The following EFCAB14 variants were observed in gnomAD, a reference collection of about 807,000 sequenced individuals.
EFCAB14 encodes the protein EF-hand calcium-binding domain-containing protein 14.
A neutral mutation model predicts 56.5 loss-of-function variants in EFCAB14; 43 were observed. That is an observed-to-expected ratio of 0.76 (90% CI 0.60 to 0.98). The LOEUF (loss-of-function observed/expected upper bound fraction) is 0.98. Among genes scored for constraint, EFCAB14 ranks in the 50% least tolerant of loss-of-function variants. The pLI, the probability that EFCAB14 is intolerant of heterozygous loss-of-function variation, is 0.00. For missense variants in EFCAB14, 538 were observed against 580.3 expected (o/e 0.93, Z 0.75); for synonymous variants, 235 against 212.9 (o/e 1.10, Z -0.90).
At chr1:46,701,115 T>C (rs1461275989) in intron 3 of EFCAB14, among the ~76,000 whole-genome samples, 3 of 152,072 alleles carry the variant, frequency 2.0e-5, no homozygotes, top group African/African-American at 7.2e-5. Flanking sequence ...ACTCACAAAT[T>C]ACTTAAGAAA....
rs989216843 is a variant in EFCAB14, at chr1:46,696,418, C to T, written c.579+133G>A. On this transcript the variant is annotated intron_variant, in intron 4 of 10. Coordinates refer to ENST00000371933, the MANE Select transcript of EFCAB14 (RefSeq NM_014774.3). The stretch of plus-strand genomic sequence containing the variant: ...TAGGACACAGTGATACACTCCATTA[C>T]TGCCCTCTTGGAGCAGCTGATTTCA... 3 of 850,082 alleles carry T rather than the reference C, an allele frequency of 3.5e-6. No homozygotes were observed. The African/African-American group carries it at 5.1e-5, about 14-fold the overall frequency. The allele number at this position is 850,082 out of a possible 1,614,324, so 52.7% of individuals were successfully genotyped here.
Position 46,718,389 on chromosome 1 carries a change from T to G in EFCAB14, c.-302A>C, listed in dbSNP as rs1293973925. On this transcript the variant is annotated 5_prime_UTR_variant, in exon 1 of 11. Coordinates refer to ENST00000371933, the MANE Select transcript of EFCAB14 (RefSeq NM_014774.3). ...AGTAGAGGGTGGAGAGGGACCTTTA[T>G]CTCCCAAAGGGCGAAAAAAAAGCCA... 4.2e-6 allele frequency: 1 copy of G among 238,608 alleles called. No homozygotes were observed. 14.8% of individuals were successfully genotyped at this position (238,608 alleles called of 1,614,324 possible).
chr1:46,684,315 A>G, intron 9 of EFCAB14, 176 bp downstream of exon 9: 1 of 584,704 alleles, frequency 1.7e-6, no homozygotes, highest in Non-Finnish European at 3.0e-6. Flanking sequence ...AGTACAAATC[A>G]TGTACAAAAT....
intron 10 of EFCAB14, among the ~76,000 whole-genome samples, chr1:46,679,598 T>G (rs12751617): frequency 8.9e-6 from 1 of 112,438 alleles, no homozygotes; most frequent in African/African-American, 3.7e-5. Flanking sequence ...CCACCACGCC[T>G]GTTTTTTTTT....
chr1:46,711,782 A>G (rs1230190896), intron 2 of EFCAB14, among the ~76,000 whole-genome samples: 1 of 152,232 alleles, frequency 6.6e-6, no homozygotes, highest in African/African-American at 2.4e-5. Flanking sequence ...TATTGCTGAC[A>G]GCAATATTTT....
chr1:46,681,234 C>G (rs1676789232), intron 10 of EFCAB14, among the ~76,000 whole-genome samples: 1 of 152,214 alleles, frequency 6.6e-6, no homozygotes, highest in Admixed American at 6.5e-5. Flanking sequence ...GCTGGGATTA[C>G]AGGCATGAGC....
At chr1:46,716,205 C>A (rs539441134) in intron 2 of EFCAB14, 90 bp downstream of exon 2, 1 of 1,373,888 alleles carries the variant, frequency 7.3e-7, no homozygotes, top group Non-Finnish European at 9.6e-7. Flanking sequence ...GCCGAGATTG[C>A]GCCACTGTAC....
intron 1 of EFCAB14, among the ~76,000 whole-genome samples, chr1:46,716,695 G>A (rs1677401069): frequency 6.6e-6 from 1 of 152,162 alleles, no homozygotes; most frequent in Non-Finnish European, 1.5e-5. Context: ...AGAACCTAAA[G>A]GCACTGCAGC....
intron 2 of EFCAB14, 49 bp from the exon 3 acceptor site, chr1:46,708,100 T>C: frequency 6.4e-7 from 1 of 1,568,746 alleles, no homozygotes; most frequent in South Asian, 1.2e-5. Context: ...AGTGCCCTCA[T>C]GGTCCTAAGA....
At chr1:46,692,065 CA>C (rs1400941511) in intron 4 of EFCAB14, 128 bp from the exon 5 acceptor site, 51 of 633,896 alleles carry the variant, frequency 8.0e-5, no homozygotes, top group African/African-American at 8.0e-4. Context: ...ACCAGTACTA[CA>C]ATCAAGATAA....
At chr1:46,699,091 G>A (rs182309264) in intron 3 of EFCAB14, among the ~76,000 whole-genome samples, 2 of 152,238 alleles carry the variant, frequency 1.3e-5, no homozygotes, top group Admixed American at 6.5e-5. Context: ...TCACCTCAAG[G>A]AGCTTTCAAT....
intron 3 of EFCAB14, among the ~76,000 whole-genome samples, chr1:46,699,830 T>C (rs562559708): frequency 1.3e-5 from 2 of 152,290 alleles, no homozygotes; most frequent in African/African-American, 4.8e-5. Flanking sequence ...GAGAATAAAG[T>C]GGAAGTGACA....
intron 1 of EFCAB14, among the ~76,000 whole-genome samples, 180 bp downstream of exon 1, chr1:46,717,719 TCTAA>T (rs1445123008): frequency 6.6e-6 from 1 of 152,218 alleles, no homozygotes; most frequent in Non-Finnish European, 1.5e-5. Flanking sequence ...AAGACAGATC[TCTAA>T]CTTATTCTTC....
In EFCAB14 at chr1:46,686,773, C is replaced by T. The variant is rs1158186148; in HGVS notation, c.1074+11G>A. 1 of 1,612,482 alleles carries T rather than the reference C, an allele frequency of 6.2e-7. No individual in the cohort carries two copies. Among genetic ancestry groups the T allele is most frequent in the Non-Finnish European group, 8.5e-7 (1 of 1,179,012 alleles). On this transcript the variant is annotated intron_variant, in intron 8 of 10. Transcript: ENST00000371933. ...TTACTTTTACTTCAGGGTAAGCCTC[C>T]CATTATTTACCTTTATGCTTTGGAT... is the stretch of plus-strand genomic sequence containing the variant.
Position 46,688,356 on chromosome 1 carries a change from G to A in EFCAB14, c.984C>T (p.Ser328=). 6.2e-7 allele frequency: 1 copy of A among 1,613,402 alleles called. No homozygotes were observed. The highest frequency in any genetic ancestry group is 8.5e-7 in the Non-Finnish European group (1 of 1,179,490). ...KVEKKANLSF[S]MMGDRSATLK... ...CAAAAGATCAGAAAAGGCTTACCATGCTGAAGGACAGGTTTGCTTTCTTTT... is the reference window on the plus strand; with the variant it reads ...CAAAAGATCAGAAAAGGCTTACCATACTGAAGGACAGGTTTGCTTTCTTTT... Residue 328 remains serine, a synonymous_variant, in exon 7 of 11, where the codon AGC becomes AGT. Transcript: ENST00000371933.
chr1:46,693,364 G>A (rs1479177415), intron 4 of EFCAB14, among the ~76,000 whole-genome samples: 1 of 152,108 alleles, frequency 6.6e-6, no homozygotes, highest in African/African-American at 2.4e-5. Context: ...AAGAGAACAC[G>A]AGATGACACT....
intron 4 of EFCAB14, among the ~76,000 whole-genome samples, chr1:46,693,890 A>C (rs923209349): frequency 6.6e-6 from 1 of 152,168 alleles, no homozygotes; most frequent in Non-Finnish European, 1.5e-5. Context: ...GATATAGACC[A>C]ATGGAACAGA....
rs769375112 is a variant in EFCAB14 at position 46,683,422 on chromosome 1, T to A, written c.1190A>T (p.Gln397Leu). 2 of 1,613,400 alleles carry A rather than the reference T, an allele frequency of 1.2e-6. No individual in the cohort carries two copies. The highest frequency in any genetic ancestry group is 2.2e-5 in the South Asian group (2 of 90,926). Residue 397 changes from glutamine to leucine, a missense_variant, in exon 10 of 11, where the codon CAA becomes CTA. Transcript: ENST00000371933. ...TGGCTTTGATGTGAAACTCTCTACT[T>A]GCTCTGTAACAAATACATAAGGTTT... Reference protein sequence around the residue: ...NRPPETADEEQVESFTSKPSA... With the variant: ...NRPPETADEELVESFTSKPSA...
At chr1:46,697,533 T>C (rs1163998908) in intron 3 of EFCAB14, among the ~76,000 whole-genome samples, 1 of 152,168 alleles carries the variant, frequency 6.6e-6, no homozygotes, top group African/African-American at 2.4e-5. Context: ...AACACAGATC[T>C]ACCAATAGCA....
Sources: allele counts gnomAD v4.1 joint callset (sites outside exome capture counted in the v4.1 genomes callset), GRCh38; gene constraint gnomAD v4.1.1; transcripts MANE v1.5; gene names NCBI Gene and HGNC (gene_info 2026-07-23, HGNC 2026-07-21).